Variants in SNTG1 observed in about 807,000 individuals in gnomAD.
SNTG1 encodes the protein syntrophin gamma 1, also known as gamma-1-syntrophin.
SNTG1 carries 39 observed loss-of-function variants against 74.7 expected under a neutral mutation model. The observed-to-expected ratio is 0.52, with a 90% CI of 0.40 to 0.68. The LOEUF is 0.68. Among genes scored for constraint, SNTG1 ranks in the 30% least tolerant of loss-of-function variants. The pLI is 0.00. For missense variants in SNTG1, 685 were observed against 609.5 expected (o/e 1.12, Z -1.30); for synonymous variants, 254 against 217.1 (o/e 1.17, Z -1.49).
At chr8:50,452,783 T>A (rs959383696) in intron 8 of SNTG1, among the ~76,000 whole-genome samples, 2 of 152,232 alleles carry the variant, frequency 1.3e-5, no homozygotes, top group African/African-American at 4.8e-5. Flanking sequence ...TATTTCACTT[T>A]CCAACAGCTA....
chr8:50,564,971 C>CT lies in SNTG1; in HGVS notation c.810+11793dup, dbSNP rs540317610. ...GAGTGGACAAACCTAACAAACGCTA[C>CT]TGCAGCTGGGTGGTTAACGTCAACT... On this transcript the variant is annotated intron_variant, in intron 12 of 18. Transcript: ENST00000642720. 1.5e-3 allele frequency among the ~76,000 whole-genome samples: 234 copies of CT among 152,138 alleles called. 1 individual carries two copies. The highest frequency in any genetic ancestry group is 5.4e-3 in the African/African-American group (224 of 41,530).
intron 2 of SNTG1, among the ~76,000 whole-genome samples, chr8:50,215,136 G>A (rs1337579584): frequency 6.6e-6 from 1 of 152,084 alleles, no homozygotes; most frequent in African/African-American, 2.4e-5. Context: ...CTGGGGCCCT[G>A]TCTCCTAGGG....
intron 18 of SNTG1, 24 bp downstream of exon 18, chr8:50,752,135 T>A: frequency 7.6e-7 from 1 of 1,312,776 alleles, no homozygotes; most frequent in Non-Finnish European, 1.0e-6. Context: ...ATTCATCACA[T>A]AACACCTCTA....
At chr8:50,680,023 G>A (rs2095324879) in intron 15 of SNTG1, among the ~76,000 whole-genome samples, 1 of 152,110 alleles carries the variant, frequency 6.6e-6, no homozygotes, top group Non-Finnish European at 1.5e-5. Context: ...AGCAGAAATG[G>A]ACATATAGCC....
intron 13 of SNTG1, among the ~76,000 whole-genome samples, chr8:50,609,794 C>T (rs190354546): frequency 3.9e-4 from 60 of 152,046 alleles, no homozygotes; most frequent in African/African-American, 1.3e-3. Flanking sequence ...TTTTTCCTGG[C>T]TGTTTTCTAT....
chr8:50,354,792 C>A (rs996160218), intron 2 of SNTG1, among the ~76,000 whole-genome samples: 2 of 152,098 alleles, frequency 1.3e-5, no homozygotes, highest in Non-Finnish European at 2.9e-5. Context: ...TCCAGGCTCA[C>A]GTAGCTAAGG....
chr8:50,629,241 T>A (rs890407258), intron 13 of SNTG1, among the ~76,000 whole-genome samples: 1 of 152,190 alleles, frequency 6.6e-6, no homozygotes, highest in Non-Finnish European at 1.5e-5. Context: ...TTTTCAAATT[T>A]CTTTAATGTA....
chr8:49,929,874 AC>A (rs1490324994), intron 1 of SNTG1, among the ~76,000 whole-genome samples: 1 of 48,224 alleles, frequency 2.1e-5, no homozygotes, highest in African/African-American at 8.8e-5. Context: ...CCCTCCCCCC[AC>A]CCCACCACAG....
intron 8 of SNTG1, among the ~76,000 whole-genome samples, chr8:50,455,976 T>C (rs1414863768): frequency 6.6e-6 from 1 of 152,230 alleles, no homozygotes; most frequent in African/African-American, 2.4e-5. Context: ...CTATATACAA[T>C]GTAATTTAAC....
intron 2 of SNTG1, among the ~76,000 whole-genome samples, chr8:50,385,010 G>A (rs186886702): frequency 2.9e-4 from 44 of 152,290 alleles, no homozygotes; most frequent in Non-Finnish European, 5.1e-4. Flanking sequence ...TTAAAAGGGA[G>A]TTGTTATCCA....
At chr8:50,779,698 C>G (rs186379371) in intron 18 of SNTG1, among the ~76,000 whole-genome samples, 1 of 151,712 alleles carries the variant, frequency 6.6e-6, no homozygotes, top group African/African-American at 2.4e-5. Flanking sequence ...CCTTTATTTC[C>G]TTCTCCTGCC....
intron 18 of SNTG1, among the ~76,000 whole-genome samples, chr8:50,788,680 A>C (rs2095682748): frequency 1.3e-5 from 2 of 152,014 alleles, no homozygotes; most frequent in Admixed American, 1.3e-4. Context: ...CTAAAATGAT[A>C]TCTATAAGTT....
intron 1 of SNTG1, among the ~76,000 whole-genome samples, chr8:49,989,382 C>G (rs1813469502): frequency 6.6e-6 from 1 of 151,740 alleles, no homozygotes; most frequent in Non-Finnish European, 1.5e-5. Flanking sequence ...ATGATATAAA[C>G]TATAGAAATT....
At chr8:49,918,521 A>G (rs1806244089) in intron 1 of SNTG1, among the ~76,000 whole-genome samples, 1 of 152,220 alleles carries the variant, frequency 6.6e-6, no homozygotes, top group Non-Finnish European at 1.5e-5. Flanking sequence ...AAAAACAGAT[A>G]ATTTCTTTAG....
chr8:50,720,240 T>C (rs2095484583), intron 17 of SNTG1, among the ~76,000 whole-genome samples: 1 of 152,244 alleles, frequency 6.6e-6, no homozygotes, highest in South Asian at 2.1e-4. Context: ...AATTCTATCC[T>C]CTTGCCTTAT....
intron 1 of SNTG1, among the ~76,000 whole-genome samples, chr8:50,155,074 A>T (rs1315830886): frequency 6.6e-6 from 1 of 152,228 alleles, no homozygotes; most frequent in Admixed American, 6.5e-5. Flanking sequence ...ATAGCTTGTG[A>T]AAGAATTAGA....
At chr8:50,426,535 G>T (rs936164173) in intron 4 of SNTG1, among the ~76,000 whole-genome samples, 12 of 151,744 alleles carry the variant, frequency 7.9e-5, no homozygotes, top group Admixed American at 7.2e-4. Context: ...CAATGTGTTT[G>T]TGTTTTAAGC....
At chr8:50,609,552 A>C (rs1436250519) in intron 13 of SNTG1, among the ~76,000 whole-genome samples, 1 of 151,922 alleles carries the variant, frequency 6.6e-6, no homozygotes, top group Non-Finnish European at 1.5e-5. Context: ...AATTTCTTGA[A>C]TCTCCAGATT....
At chr8:50,389,110 A>G (rs943639737) in intron 2 of SNTG1, among the ~76,000 whole-genome samples, 3 of 152,202 alleles carry the variant, frequency 2.0e-5, no homozygotes, top group African/African-American at 7.2e-5. Context: ...CACGGGAAGC[A>G]TGTGAGGCCT....
Sources: gnomAD v4.1 joint callset for allele counts (sites outside exome capture counted in the v4.1 genomes callset) on GRCh38, gnomAD v4.1.1 for gene constraint, MANE v1.5 for transcripts, NCBI Gene and HGNC (gene_info 2026-07-23, HGNC 2026-07-21) for gene names.